Variants in AGMO observed in about 807,000 individuals in gnomAD.
AGMO encodes the protein alkylglycerol monooxygenase, also known as glyceryl-ether monooxygenase.
Under a neutral mutation model 60.2 loss-of-function variants are expected in AGMO, and 75 were observed. The observed-to-expected ratio is 1.25, with a 90% CI of 1.03 to 1.51. The LOEUF (loss-of-function observed/expected upper bound fraction) is 1.51, where lower values mean the gene tolerates loss of function less well. Among genes scored for constraint, AGMO ranks in the 40% most tolerant of loss-of-function variants. The pLI is 0.00. For missense variants in AGMO, 763 were observed against 525.5 expected, an observed-to-expected ratio of 1.45 and a Z score of -4.42; for synonymous variants, 261 against 177.1, an observed-to-expected ratio of 1.47 and a Z score of -3.76.
chr7:15,482,830 G>C (rs1459143867), intron 3 of AGMO, among the ~76,000 whole-genome samples: 4 of 152,250 alleles, frequency 2.6e-5, no homozygotes, highest in African/African-American at 7.2e-5. Flanking sequence ...GTTAATGTTA[G>C]AGAAATCAAT....
rs1781226329 is a variant in AGMO at position 15,431,109 on chromosome 7, C to G, written c.410-1G>C. 1.2e-6 allele frequency: 2 copies of G among 1,602,998 alleles called. No individual in the cohort carries two copies. Among genetic ancestry groups the G allele is most frequent in the African/African-American group, 2.7e-5 (2 of 74,542 alleles). ...TGTCCGGCCCACATAATATTAACTT[C>G]TGCAAAACACATAATTTGCAATGAG... On this transcript the variant is annotated splice_acceptor_variant, in intron 3 of 12. Coordinates refer to ENST00000342526, the MANE Select transcript of AGMO (RefSeq NM_001004320.2). LOFTEE classifies it high-confidence loss of function.
rs1178276622 is a variant in AGMO, at chr7:15,315,328, C to CTTTTT, written c.1263+50181_1263+50185dup. ...TAAGCAAAACTTACATGGATATTTG[C>CTTTTT]TTTTTTTTTTTTTTTTTTTTTTTTT... On this transcript the variant is annotated intron_variant, in intron 12 of 12. Coordinates refer to ENST00000342526, the MANE Select transcript of AGMO (RefSeq NM_001004320.2). Among the ~76,000 whole-genome samples the CTTTTT allele has an allele frequency of 7.9e-4, 38 of 48,200 alleles. 7 individuals carry two copies. Among genetic ancestry groups the CTTTTT allele is most frequent in the African/African-American group, 1.7e-3 (23 of 13,200 alleles). 31.6% of individuals were successfully genotyped at this position (48,200 alleles called of 152,430 possible). A position where few individuals can be genotyped will look rare whatever the true frequency, so the allele number is the denominator to read the frequency against.
rs1412050369 is a variant in AGMO at position 15,327,757 on chromosome 7, T to C, written c.1263+37757A>G. On this transcript the variant is annotated intron_variant, in intron 12 of 12. Transcript: ENST00000342526. Reference sequence around the variant, plus strand: ...ATTTCTTTCTTTTTTTTTTTTTTTTTTTTTTTTTGAGACAAGGTCTCACTC... The same window carrying C: ...ATTTCTTTCTTTTTTTTTTTTTTTTCTTTTTTTTGAGACAAGGTCTCACTC... Among the ~76,000 whole-genome samples the C allele has an allele frequency of 3.5e-5, 5 of 141,150 alleles. No homozygotes were observed. The East Asian group carries it at 1.0e-3, about 29-fold the overall frequency. 92.6% of individuals were successfully genotyped at this position (141,150 alleles called of 152,430 possible).
chr7:15,320,870 A>G (rs1563085169), intron 12 of AGMO, among the ~76,000 whole-genome samples: 1 of 152,190 alleles, frequency 6.6e-6, no homozygotes, highest in Non-Finnish European at 1.5e-5. Context: ...TTACATTTGG[A>G]TGGTATAACT....
intron 3 of AGMO, among the ~76,000 whole-genome samples, chr7:15,507,245 G>C (rs931761635): frequency 6.6e-6 from 1 of 151,904 alleles, no homozygotes; most frequent in Admixed American, 6.6e-5. Flanking sequence ...GCTTCAGAAA[G>C]CCACAATGAC....
At chr7:15,238,112 T>C (rs1296365960) in intron 12 of AGMO, among the ~76,000 whole-genome samples, 2 of 151,866 alleles carry the variant, frequency 1.3e-5, no homozygotes, top group African/African-American at 4.9e-5. Context: ...TTTTGTTCCA[T>C]TGGAGCTGAG....
At chr7:15,482,993 A>G (rs1782800838) in intron 3 of AGMO, among the ~76,000 whole-genome samples, 2 of 152,312 alleles carry the variant, frequency 1.3e-5, no homozygotes, top group South Asian at 2.1e-4. Flanking sequence ...TTTTATAAGT[A>G]TCTATCTTTA....
Position 15,479,532 on chromosome 7 carries a change from T to C in AGMO, c.410-48424A>G, listed in dbSNP as rs181321128. ...TTAGATTATGTAAATATTTCCACAGTATGTAAATCGTTCAAATTTGAAAGG... is the reference window on the plus strand; with the variant it reads ...TTAGATTATGTAAATATTTCCACAGCATGTAAATCGTTCAAATTTGAAAGG... On this transcript the variant is annotated intron_variant, in intron 3 of 12. Coordinates refer to ENST00000342526, the MANE Select transcript of AGMO (RefSeq NM_001004320.2). Among the ~76,000 whole-genome samples, 323 of 152,290 alleles carry C rather than the reference T, an allele frequency of 2.1e-3. 1 individual carries two copies. The highest frequency in any genetic ancestry group is 7.3e-3 in the African/African-American group (303 of 41,562).
intron 12 of AGMO, among the ~76,000 whole-genome samples, chr7:15,218,949 G>C (rs1781832703): frequency 6.6e-6 from 1 of 152,122 alleles, no homozygotes; most frequent in Non-Finnish European, 1.5e-5. Context: ...GACTTTGAAG[G>C]ATAATGCCAT....
intron 12 of AGMO, among the ~76,000 whole-genome samples, chr7:15,351,497 G>C (rs1782241802): frequency 6.6e-6 from 1 of 152,074 alleles, no homozygotes. Flanking sequence ...ATGTAAAATT[G>C]CCTCTGATTT....
Position 15,366,124 on chromosome 7 carries a change from G to T in AGMO, c.1157+16C>A, listed in dbSNP as rs1782969331. 6.3e-7 allele frequency: 1 copy of T among 1,586,266 alleles called. No individual in the cohort carries two copies. The highest frequency in any genetic ancestry group is 2.3e-5 in the East Asian group (1 of 43,326). ...TTGAGTAAAAGTAAAAACAATGCAAGAATTTCACTTCTTGCCTTTGATCCA... is the reference window on the plus strand; with the variant it reads ...TTGAGTAAAAGTAAAAACAATGCAATAATTTCACTTCTTGCCTTTGATCCA... On this transcript the variant is annotated intron_variant, in intron 11 of 12. Coordinates refer to ENST00000342526, the MANE Select transcript of AGMO (RefSeq NM_001004320.2).
intron 12 of AGMO, among the ~76,000 whole-genome samples, chr7:15,318,524 TCAGA>T (rs760645912): frequency 7.2e-5 from 11 of 152,204 alleles, no homozygotes; most frequent in South Asian, 2.1e-4. Context: ...TATGATTGAC[TCAGA>T]CAAAGTTCAC....
At chr7:15,559,607 A>G (rs1286131756) in intron 2 of AGMO, among the ~76,000 whole-genome samples, 1 of 152,128 alleles carries the variant, frequency 6.6e-6, no homozygotes, top group African/African-American at 2.4e-5. Context: ...CCAGAGAAAC[A>G]ATGTTCTCTA....
chr7:15,383,682 G>C (rs1783789741), intron 10 of AGMO, among the ~76,000 whole-genome samples: 1 of 151,668 alleles, frequency 6.6e-6, no homozygotes, highest in South Asian at 2.1e-4. Context: ...TTTACTTATG[G>C]AGTTTTTAAC....
chr7:15,125,629 T>C, the AGMO span, among the ~76,000 whole-genome samples: 95 of 151,954 alleles, frequency 6.3e-4, no homozygotes, highest in Non-Finnish European at 1.3e-3. Flanking sequence ...TTCCAGACAA[T>C]ACGTATATAT....
intron 5 of AGMO, among the ~76,000 whole-genome samples, chr7:15,395,843 G>A (rs1784354416): frequency 1.3e-5 from 2 of 152,002 alleles, no homozygotes; most frequent in South Asian, 4.1e-4. Context: ...TTTGTTTTTT[G>A]ACAACCTCTG....
intron 3 of AGMO, among the ~76,000 whole-genome samples, chr7:15,533,983 G>T (rs1025263851): frequency 6.6e-6 from 1 of 151,952 alleles, no homozygotes; most frequent in Non-Finnish European, 1.5e-5. Flanking sequence ...TGCAGATTTC[G>T]AGAGAATAAA....
intron 3 of AGMO, among the ~76,000 whole-genome samples, chr7:15,515,963 C>T (rs191834139): frequency 2.0e-5 from 3 of 152,082 alleles, no homozygotes; most frequent in African/African-American, 2.4e-5. Context: ...AGAGATCGAT[C>T]GTACACCATG....
At chr7:15,156,086 GT>G in the AGMO span, among the ~76,000 whole-genome samples, 1 of 152,150 alleles carries the variant, frequency 6.6e-6, no homozygotes, top group Non-Finnish European at 1.5e-5. Context: ...CCAGTGAGGG[GT>G]GGGGGGTCCT....
Sources: allele counts gnomAD v4.1 joint callset (sites outside exome capture counted in the v4.1 genomes callset), GRCh38; gene constraint gnomAD v4.1.1; transcripts MANE v1.5; gene names NCBI Gene and HGNC (gene_info 2026-07-23, HGNC 2026-07-21).